IGF2BP2: variants seen among roughly 807,000 people sequenced by gnomAD.
IGF2BP2 encodes insulin like growth factor 2 mRNA binding protein 2, also known as insulin-like growth factor 2 mRNA-binding protein 2.
In IGF2BP2, 17 loss-of-function variants were observed where a neutral mutation model predicts 75.8. The observed-to-expected ratio is 0.22, with a 90% CI of 0.15 to 0.34. IGF2BP2 has a LOEUF of 0.34. IGF2BP2 is among the 10% of genes least tolerant of loss of function. IGF2BP2 has a pLI of 1.00. For synonymous variants in IGF2BP2, 288 were observed against 295.6 expected (o/e 0.97, Z 0.26); for missense variants, 516 against 772.4 (o/e 0.67, Z 3.93).
At chr3:185,755,172 G>C (rs1731453136) in intron 2 of IGF2BP2, among the ~76,000 whole-genome samples, 1 of 152,166 alleles carries the variant, frequency 6.6e-6, no homozygotes, top group African/African-American at 2.4e-5. Context: ...CGGTTTAGTG[G>C]GCCAGGCCTG....
intron 12 of IGF2BP2, among the ~76,000 whole-genome samples, chr3:185,654,094 C>G (rs1014399437): frequency 7.2e-5 from 11 of 152,190 alleles, no homozygotes; most frequent in African/African-American, 2.7e-4. Flanking sequence ...AGACCCTGTC[C>G]CGCTCTGGAA....
chr3:185,775,011 C>G (rs1734365657), intron 2 of IGF2BP2, among the ~76,000 whole-genome samples: 1 of 150,998 alleles, frequency 6.6e-6, no homozygotes, highest in South Asian at 2.1e-4. Context: ...CAGAGTCAGA[C>G]TCCGTCTAAA....
chr3:185,719,840 G>GAAAGGA (rs948950641), intron 2 of IGF2BP2, among the ~76,000 whole-genome samples: 2 of 151,774 alleles, frequency 1.3e-5, no homozygotes, highest in African/African-American at 4.8e-5. Context: ...TCTCAAAAAA[G>GAAAGGA]AAAGGAAGGA....
At chr3:185,675,542 C>A in intron 8 of IGF2BP2, 111 bp from the exon 9 acceptor site, 1 of 1,252,022 alleles carries the variant, frequency 8.0e-7, no homozygotes, top group South Asian at 1.3e-5. Flanking sequence ...GACTCAATTC[C>A]CTCCCAACAC....
At chr3:185,688,749 G>C (rs138814584) in intron 6 of IGF2BP2, among the ~76,000 whole-genome samples, 1 of 152,310 alleles carries the variant, frequency 6.6e-6, no homozygotes, top group African/African-American at 2.4e-5. Context: ...CAACTTGAAC[G>C]TAAGTCTTTG....
intron 7 of IGF2BP2, among the ~76,000 whole-genome samples, chr3:185,679,866 G>A (rs1440632244): frequency 6.6e-6 from 1 of 152,146 alleles, no homozygotes; most frequent in South Asian, 2.1e-4. Context: ...CACCCACCTC[G>A]GCCTCCCAAA....
intron 2 of IGF2BP2, among the ~76,000 whole-genome samples, chr3:185,738,239 A>C (rs1052079587): frequency 2.0e-5 from 3 of 152,244 alleles, no homozygotes; most frequent in African/African-American, 7.2e-5. Flanking sequence ...ACATTAACTG[A>C]GTGCCTATTA....
intron 2 of IGF2BP2, among the ~76,000 whole-genome samples, chr3:185,706,904 C>CTATATTTT (rs1724100028): frequency 2.0e-5 from 3 of 151,878 alleles, no homozygotes; most frequent in African/African-American, 4.8e-5. Flanking sequence ...CCACGCCTGG[C>CTATATTTT]TATATTTTTA....
At chr3:185,823,750 G>A (rs1741660427) in intron 1 of IGF2BP2, among the ~76,000 whole-genome samples, 1 of 151,972 alleles carries the variant, frequency 6.6e-6, no homozygotes, top group South Asian at 2.1e-4. Context: ...TCCACACGCC[G>A]GTGGGGAAGG....
At chr3:185,664,055 A>G (rs1716901320) in intron 10 of IGF2BP2, among the ~76,000 whole-genome samples, 1 of 152,204 alleles carries the variant, frequency 6.6e-6, no homozygotes, top group Non-Finnish European at 1.5e-5. Flanking sequence ...CGGAGGGTTC[A>G]GTGTTGTGGA....
chr3:185,648,209 C>A (rs1713934376), intron 14 of IGF2BP2, among the ~76,000 whole-genome samples: 1 of 152,232 alleles, frequency 6.6e-6, no homozygotes, highest in Admixed American at 6.5e-5. Flanking sequence ...GTAATCCCAG[C>A]ACTTTGGGAG....
chr3:185,816,854 T>A (rs969188389), intron 2 of IGF2BP2, among the ~76,000 whole-genome samples: 3 of 152,188 alleles, frequency 2.0e-5, no homozygotes, highest in Admixed American at 2.0e-4. Flanking sequence ...TATCAATACA[T>A]GAAATCATCA....
At chr3:185,823,295 A>T in intron 1 of IGF2BP2, 82 bp from the exon 2 acceptor site, 1 of 1,091,740 alleles carries the variant, frequency 9.2e-7, no homozygotes, top group East Asian at 2.6e-5. Flanking sequence ...ACGGAACTCC[A>T]CGCTCGGGCT....
chr3:185,824,030 C>T (rs1338544420), intron 1 of IGF2BP2, among the ~76,000 whole-genome samples: 1 of 151,856 alleles, frequency 6.6e-6, no homozygotes, highest in Non-Finnish European at 1.5e-5. Flanking sequence ...GGACGGGCGG[C>T]GGAAAGCCCC....
At chr3:185,729,210 G>A (rs188228409) in intron 2 of IGF2BP2, among the ~76,000 whole-genome samples, 101 of 152,230 alleles carry the variant, frequency 6.6e-4, no homozygotes, top group Admixed American at 2.5e-3. Flanking sequence ...GCATCCTGAA[G>A]TAAGATGTCT....
In IGF2BP2 at chr3:185,672,570, G is replaced by A. The variant is rs748920710; in HGVS notation, c.1171C>T (p.Pro391Ser). 5.5e-5 allele frequency: 89 copies of A among 1,612,540 alleles called. 1 individual carries two copies. The highest frequency in any genetic ancestry group is 2.5e-4 in the Admixed American group (15 of 59,938). ...AAGGGGTGGTAGGGGGCAGCGGGGG[G>A]AGCTCCGCGGGGCCCTGCTGGTGGA... ...LSPPAGPRGA[P>S]PAAPYHPFTT... The change falls in exon 10 of 16, where the codon CCC becomes TCC. Residue 391 changes from proline (P) to serine (S), a missense_variant. By Grantham distance (74) the Pro-to-Ser change is moderately conservative (BLOSUM62 -1). This residue lies in a region of IGF2BP2 where 75 missense variants were observed against 67.4 expected (regional missense o/e 1.11). Transcript: ENST00000382199.
chr3:185,730,883 C>G (rs1728072655), intron 2 of IGF2BP2, among the ~76,000 whole-genome samples: 1 of 152,120 alleles, frequency 6.6e-6, no homozygotes, highest in Non-Finnish European at 1.5e-5. Context: ...ACCCCAACAT[C>G]TGTTGTTTTT....
At chr3:185,690,892 A>C (rs1159364022) in intron 5 of IGF2BP2, among the ~76,000 whole-genome samples, 2 of 152,166 alleles carry the variant, frequency 1.3e-5, no homozygotes, top group Non-Finnish European at 1.5e-5. Flanking sequence ...GCATTAACCC[A>C]ATTTTACTAG....
chr3:185,694,080 G>A (rs1343594611), intron 4 of IGF2BP2, among the ~76,000 whole-genome samples: 1 of 152,190 alleles, frequency 6.6e-6, no homozygotes, highest in African/African-American at 2.4e-5. Flanking sequence ...GGAGTTGTAT[G>A]TAATGCTCAG....
Sources: gnomAD v4.1 joint callset for allele counts (sites outside exome capture counted in the v4.1 genomes callset) on GRCh38, gnomAD v4.1.1 for gene constraint, gnomAD v4.1.1 regional missense constraint, MANE v1.5 for transcripts, NCBI Gene and HGNC (gene_info 2026-07-23, HGNC 2026-07-21) for gene names.